The following STAT4 variants were observed in gnomAD, a reference collection of about 807,000 sequenced individuals.
STAT4 encodes the protein signal transducer and activator of transcription 4.
STAT4 carries 42 observed loss-of-function variants against 110.5 expected under a neutral mutation model. The observed-to-expected ratio is 0.38, with a 90% CI of 0.30 to 0.49. The LOEUF (loss-of-function observed/expected upper bound fraction) is 0.49. STAT4 is among the 20% of genes least tolerant of loss of function. STAT4 has a pLI of 0.95. For synonymous variants in STAT4, 284 were observed against 302.2 expected (o/e 0.94, Z 0.63); for missense variants, 632 against 887.9 (o/e 0.71, Z 3.66).
chr2:191,083,889 A>T lies in STAT4; in HGVS notation c.274-7564T>A, dbSNP rs1433496390. On this transcript the variant is annotated intron_variant, in intron 3 of 23. Coordinates refer to ENST00000392320, the MANE Select transcript of STAT4 (RefSeq NM_003151.4). The surrounding 1 kb of genome is among the most constrained non-coding windows in gnomAD (Gnocchi z 4.6). The stretch of plus-strand genomic sequence containing the variant: ...ATGAAAAAAAGACAGTTTTAAAATT[A>T]TTGCTAAAATAAAACAGCAATGTCT... Among the ~76,000 whole-genome samples, 1 of 152,170 alleles carries T rather than the reference A, an allele frequency of 6.6e-6. No individual in the cohort carries two copies. Among genetic ancestry groups the T allele is most frequent in the Non-Finnish European group, 1.5e-5 (1 of 68,024 alleles).
chr2:191,142,993 T>C lies in STAT4; in HGVS notation c.273+3620A>G, dbSNP rs1699376444. Among the ~76,000 whole-genome samples, 1 of 152,190 alleles carries C rather than the reference T, an allele frequency of 6.6e-6. No homozygotes were observed. The highest frequency in any genetic ancestry group is 6.5e-5 in the Admixed American group (1 of 15,272). The stretch of plus-strand genomic sequence containing the variant: ...CTTGAAATGTAAGTTAATAATAATG[T>C]ATCAATATTATTTCGTCAACTGTCA... On this transcript the variant is annotated intron_variant, in intron 3 of 23. Coordinates refer to ENST00000392320, the MANE Select transcript of STAT4 (RefSeq NM_003151.4). The surrounding 1 kb of genome is among the most constrained non-coding windows in gnomAD (Gnocchi z 4.1).
At chr2:191,129,896 T>C (rs1003211175) in intron 3 of STAT4, among the ~76,000 whole-genome samples, 2 of 152,220 alleles carry the variant, frequency 1.3e-5, no homozygotes, top group Non-Finnish European at 2.9e-5. Flanking sequence ...CTGAGGAGTT[T>C]TGTCAATTTA....
rs1055085995 is a variant in STAT4 at position 191,090,621 on chromosome 2, C to T, written c.274-14296G>A. 1.3e-5 allele frequency among the ~76,000 whole-genome samples: 2 copies of T among 152,066 alleles called. No homozygotes were observed. Among genetic ancestry groups the T allele is most frequent in the African/African-American group, 2.4e-5 (1 of 41,404 alleles). On this transcript the variant is annotated intron_variant, in intron 3 of 23. Coordinates refer to ENST00000392320, the MANE Select transcript of STAT4 (RefSeq NM_003151.4). This position sits in a 1 kb window ranked among gnomAD's most constrained non-coding sequence, Gnocchi z 4.2. The stretch of plus-strand genomic sequence containing the variant: ...TGTTGCCCAGACTGGAGTGCAGTGG[C>T]GCGATCTCCGCCCACTGCAACCTCT...
chr2:191,040,279 C>T (rs1696153040), intron 15 of STAT4, among the ~76,000 whole-genome samples: 1 of 152,130 alleles, frequency 6.6e-6, no homozygotes, highest in Non-Finnish European at 1.5e-5. Context: ...AAGCAACATA[C>T]TGTAATGTTC....
Position 191,143,195 on chromosome 2 carries a change from T to A in STAT4, c.273+3418A>T, listed in dbSNP as rs1699380471. On this transcript the variant is annotated intron_variant, in intron 3 of 23. Coordinates refer to ENST00000392320, the MANE Select transcript of STAT4 (RefSeq NM_003151.4). The surrounding 1 kb of genome is among the most constrained non-coding windows in gnomAD (Gnocchi z 5.6). ...CCATTAATTTTCTTAAAGCAAAGCA[T>A]TCTTGAATTATCTGGGGCAGATATT... Among the ~76,000 whole-genome samples the A allele has an allele frequency of 6.6e-6, 1 of 152,218 alleles. No homozygotes were observed. Among genetic ancestry groups the A allele is most frequent in the Non-Finnish European group, 1.5e-5 (1 of 68,026 alleles).
intron 13 of STAT4, among the ~76,000 whole-genome samples, chr2:191,057,602 CT>C (rs112604744): frequency 1.3e-3 from 124 of 98,556 alleles, no homozygotes; most frequent in Non-Finnish European, 1.8e-3. Context: ...TTTTCTTTTT[CT>C]TTTTTTTTTT....
In STAT4 at chr2:191,113,199, G is replaced by A. The variant is rs562478755; in HGVS notation, c.273+33414C>T. 1.3e-5 allele frequency among the ~76,000 whole-genome samples: 2 copies of A among 152,330 alleles called. No homozygotes were observed. The highest frequency in any genetic ancestry group is 6.5e-5 in the Admixed American group (1 of 15,298). On this transcript the variant is annotated intron_variant, in intron 3 of 23. Transcript: ENST00000392320. The surrounding 1 kb of genome is among the most constrained non-coding windows in gnomAD (Gnocchi z 4.8). ...CAGCCAGTGCTGGCAGACATTACTG[G>A]TGCCACTCATTCATTTGTTCCACAA...
chr2:191,089,741 A>T (rs1374503999), intron 3 of STAT4, among the ~76,000 whole-genome samples: 1 of 152,250 alleles, frequency 6.6e-6, no homozygotes, highest in Non-Finnish European at 1.5e-5. Flanking sequence ...ATGAGCTATC[A>T]AGTCAGGAAA....
In STAT4 at chr2:191,119,553, G is replaced by A. The variant is rs1204331148; in HGVS notation, c.273+27060C>T. Reference sequence around the variant, plus strand: ...ACCTGAATAAATGAAAAGATGTTTTGTGTTTAAGAATTGGAAGATTCAAAA... The same window carrying A: ...ACCTGAATAAATGAAAAGATGTTTTATGTTTAAGAATTGGAAGATTCAAAA... On this transcript the variant is annotated intron_variant, in intron 3 of 23. Transcript: ENST00000392320. Among the ~76,000 whole-genome samples the A allele has an allele frequency of 2.6e-5, 4 of 152,076 alleles. No homozygotes were observed. The East Asian group carries it at 7.7e-4, about 29-fold the overall frequency.
At chr2:191,072,731 G>T (rs1697202300) in intron 5 of STAT4, among the ~76,000 whole-genome samples, 1 of 152,112 alleles carries the variant, frequency 6.6e-6, no homozygotes, top group Admixed American at 6.6e-5. Flanking sequence ...AATATTAAAT[G>T]AGAGATGTGA....
In STAT4 at chr2:191,059,286, C is replaced by T. The variant is rs1696785622; in HGVS notation, c.1035-517G>A. Reference sequence around the variant, plus strand: ...TCAAAACACTATATTTAAGTAACAGCAAAAACGTTCATTAAAAAAACAAAC... The same window carrying T: ...TCAAAACACTATATTTAAGTAACAGTAAAAACGTTCATTAAAAAAACAAAC... On this transcript the variant is annotated intron_variant, in intron 10 of 23. Coordinates refer to ENST00000392320, the MANE Select transcript of STAT4 (RefSeq NM_003151.4). This position sits in a 1 kb window ranked among gnomAD's most constrained non-coding sequence, Gnocchi z 4.7. Among the ~76,000 whole-genome samples, 2 of 152,062 alleles carry T rather than the reference C, an allele frequency of 1.3e-5. No homozygotes were observed. The highest frequency in any genetic ancestry group is 2.1e-4 in the South Asian group (1 of 4,820).
chr2:191,075,540 G>C (rs1697289955), intron 4 of STAT4, among the ~76,000 whole-genome samples: 1 of 152,190 alleles, frequency 6.6e-6, no homozygotes, highest in South Asian at 2.1e-4. Context: ...TACAGGAAGA[G>C]GCAGAGTGGG....
Position 191,084,678 on chromosome 2 carries a change from T to G in STAT4, c.274-8353A>C, listed in dbSNP as rs148129211. On this transcript the variant is annotated intron_variant, in intron 3 of 23. Transcript: ENST00000392320. ...GTGAAAGGTTTGAGAAAAATTAATC[T>G]TATAAAAAAATTCTATATGTGAGCA... is the stretch of plus-strand genomic sequence containing the variant. Among the ~76,000 whole-genome samples, 9 of 152,178 alleles carry G rather than the reference T, an allele frequency of 5.9e-5. No homozygotes were observed. The East Asian group carries it at 1.7e-3, about 29-fold the overall frequency.
At chr2:191,054,744 T>G (rs1211862933) in intron 13 of STAT4, among the ~76,000 whole-genome samples, 1 of 152,198 alleles carries the variant, frequency 6.6e-6, no homozygotes, top group South Asian at 2.1e-4. Flanking sequence ...CTTTAGAAAC[T>G]TGGAGTTGGC....
In STAT4 at chr2:191,072,455, T is replaced by G. The variant is rs376791981; in HGVS notation, c.465+643A>C. ...TTATGGAGGATCACTAAATCAGAAG[T>G]CTGAAAATAAATTTAAACCCTCTGC... On this transcript the variant is annotated intron_variant, in intron 5 of 23. Transcript: ENST00000392320. Among the ~76,000 whole-genome samples the G allele has an allele frequency of 7.9e-5, 12 of 152,326 alleles. No homozygotes were observed. In the South Asian group the frequency reaches 2.5e-3, roughly 32 times the overall value.
intron 3 of STAT4, among the ~76,000 whole-genome samples, chr2:191,101,878 C>T (rs1347944778): frequency 6.6e-6 from 1 of 152,044 alleles, no homozygotes; most frequent in African/African-American, 2.4e-5. Context: ...TGAGATATGA[C>T]ATGTCCTTAG....
intron 8 of STAT4, among the ~76,000 whole-genome samples, chr2:191,063,584 C>T (rs1696906425): frequency 6.6e-6 from 1 of 152,140 alleles, no homozygotes; most frequent in African/African-American, 2.4e-5. Context: ...GGACTTCCAA[C>T]CACAGGAGAC....
rs1696238483 is a variant in STAT4 at position 191,042,651 on chromosome 2, A to G, written c.1252-1503T>C. On this transcript the variant is annotated intron_variant, in intron 14 of 23. Transcript: ENST00000392320. The surrounding 1 kb of genome is among the most constrained non-coding windows in gnomAD (Gnocchi z 4.2). ...TGCTGAAGTATCTATATTATACTGTACTATCTAGAATTTGAGAACTCCAGG... is the reference window on the plus strand; with the variant it reads ...TGCTGAAGTATCTATATTATACTGTGCTATCTAGAATTTGAGAACTCCAGG... 6.6e-6 allele frequency among the ~76,000 whole-genome samples: 1 copy of G among 152,248 alleles called. No homozygotes were observed. The highest frequency in any genetic ancestry group is 2.1e-4 in the South Asian group (1 of 4,836).
At chr2:191,105,597 TA>T (rs149649830) in intron 3 of STAT4, among the ~76,000 whole-genome samples, 2 of 152,116 alleles carry the variant, frequency 1.3e-5, no homozygotes, top group African/African-American at 4.8e-5. Flanking sequence ...AGTAGAAAAA[TA>T]AAAAGCCAGT....
Sources: gnomAD v4.1 joint callset for allele counts (sites outside exome capture counted in the v4.1 genomes callset) on GRCh38, gnomAD v4.1.1 for gene constraint, Gnocchi (gnomAD v3.1) non-coding constraint, MANE v1.5 for transcripts, NCBI Gene and HGNC (gene_info 2026-07-23, HGNC 2026-07-21) for gene names.